The following CP variants were observed in gnomAD, a reference collection of about 807,000 sequenced individuals.
The protein encoded by CP is caeruloplasmin.
Under a neutral mutation model 122.4 loss-of-function variants are expected in CP, and 64 were observed. The observed-to-expected ratio is 0.52, with a 90% CI of 0.43 to 0.64. CP has a LOEUF of 0.64. CP is among the 30% of genes least tolerant of loss of function. The probability of loss-of-function intolerance (pLI) is 0.00; values close to 1 mark genes in which losing one functional copy is unlikely to be tolerated. For synonymous variants in CP, 440 were observed against 436.4 expected (o/e 1.01, Z -0.10); for missense variants, 1,167 against 1,284.4 (o/e 0.91, Z 1.40).
At chr3:149,165,905 A>C in intron 5 of CP, 1 of 424,388 alleles carries the variant, frequency 2.4e-6, no homozygotes, top group Non-Finnish European at 4.7e-6. Flanking sequence ...AATTATTCAC[A>C]TGAATAATTT....
At chr3:149,167,161 A>G in intron 4 of CP, 1 of 1,614,050 alleles carries the variant, frequency 6.2e-7, no homozygotes, top group African/African-American at 1.3e-5. Flanking sequence ...GAGTATGAAC[A>G]GTGCATAGAC....
In CP at chr3:149,221,823, A is replaced by C; in HGVS notation, c.-31T>G. On this transcript the variant is annotated 5_prime_UTR_variant, in exon 1 of 19. Transcript: ENST00000264613. ...TCCCCTTCTTGGAGCCTGAGAAGAAATGAAGTAAAATCAGGAGCAGGCAAT... is the reference window on the plus strand; with the variant it reads ...TCCCCTTCTTGGAGCCTGAGAAGAACTGAAGTAAAATCAGGAGCAGGCAAT... The C allele has an allele frequency of 6.2e-7, 1 of 1,611,594 alleles. No homozygotes were observed.
chr3:149,181,224 C>T (rs919644481), intron 14 of CP, among the ~76,000 whole-genome samples: 1 of 152,184 alleles, frequency 6.6e-6, no homozygotes, highest in African/African-American at 2.4e-5. Context: ...AGCATTCTGT[C>T]CCTTGTGTGC....
At chr3:149,182,251 G>T in intron 13 of CP, 118 bp from the exon 14 acceptor site, 1 of 1,101,208 alleles carries the variant, frequency 9.1e-7, no homozygotes, top group Non-Finnish European at 1.4e-6. Flanking sequence ...AATACTCTTG[G>T]ATTTATACTG....
chr3:149,210,916 A>G (rs1728060437), intron 2 of CP, among the ~76,000 whole-genome samples: 1 of 152,212 alleles, frequency 6.6e-6, no homozygotes, highest in Non-Finnish European at 1.5e-5. Flanking sequence ...TCATCAAATT[A>G]TTTTAAAGCA....
downstream of CP, chr3:149,167,789 A>T (rs754939789): frequency 1.2e-5 from 9 of 752,264 alleles, no homozygotes; most frequent in South Asian, 2.9e-5. Context: ...AGACAAAATG[A>T]TGTATTTTTG....
At chr3:149,198,614 C>CTTTCTAACGTGGTCA in intron 8 of CP, 36 bp from the exon 9 acceptor site, 1 of 1,588,222 alleles carries the variant, frequency 6.3e-7, no homozygotes, top group Non-Finnish European at 8.6e-7. Flanking sequence ...GTGAAGTGTG[C>CTTTCTAACGTGGTCA]TTTCTAACGT....
chr3:149,163,884 C>A, intron 5 of CP: 1 of 1,585,402 alleles, frequency 6.3e-7, no homozygotes, highest in Non-Finnish European at 8.7e-7. Flanking sequence ...TCCATGGGTT[C>A]ACGTCGTAAT....
chr3:149,167,109 G>A (rs1724500780), intron 4 of CP: 1 of 1,613,868 alleles, frequency 6.2e-7, no homozygotes, highest in African/African-American at 1.3e-5. Flanking sequence ...AGACACTATT[G>A]CCGGCCTCAG....
intron 4 of CP, among the ~76,000 whole-genome samples, chr3:149,208,896 G>C (rs927432068): frequency 6.6e-6 from 1 of 152,028 alleles, no homozygotes; most frequent in African/African-American, 2.4e-5. Context: ...TAATAATTTG[G>C]AGCTGCCTCA....
At chr3:149,214,374 A>G (rs552719270) in intron 1 of CP, among the ~76,000 whole-genome samples, 2 of 152,274 alleles carry the variant, frequency 1.3e-5, no homozygotes, top group Admixed American at 6.5e-5. Flanking sequence ...AGGAATTTCT[A>G]TGATGAGCGT....
At chr3:149,166,821 T>C (rs1724470825) in intron 4 of CP, among the ~76,000 whole-genome samples, 1 of 152,196 alleles carries the variant, frequency 6.6e-6, no homozygotes, top group African/African-American at 2.4e-5. Context: ...AATGATTGCT[T>C]TCTATTAAAG....
intron 14 of CP, 25 bp downstream of exon 14, chr3:149,181,980 C>CGG: frequency 1.9e-6 from 1 of 515,888 alleles, no homozygotes; most frequent in Non-Finnish European, 3.7e-6. Context: ...AAATGCACCA[C>CGG]CCCCACCCCC....
rs2108244342 is a variant in CP at position 149,188,210 on chromosome 3, TCAAAA to T, written c.1714-13_1714-9del. ...TTCCTTGTCTACATCTTTCTGTAAA[TCAAAA>T]CAAAATGAGATGGAGACAGAATGAA... On this transcript the variant is annotated splice_polypyrimidine_tract_variant and intron_variant, in intron 9 of 18. Transcript: ENST00000264613. The T allele has an allele frequency of 6.2e-7, 1 of 1,608,426 alleles. No individual in the cohort carries two copies.
chr3:149,203,196 T>C (rs34556731), intron 6 of CP, among the ~76,000 whole-genome samples: 14,066 of 152,210 alleles, frequency 0.092, 710 homozygotes, highest in Middle Eastern at 0.11. Flanking sequence ...CGTAAGCCAC[T>C]GCGCCCGGCC....
intron 14 of CP, 181 bp from the exon 15 acceptor site, chr3:149,179,843 T>G: frequency 1.7e-6 from 1 of 573,930 alleles, no homozygotes; most frequent in Non-Finnish European, 3.1e-6. Context: ...AATTTAGTTT[T>G]AAGATGAACT....
At chr3:149,209,456 T>A in intron 3 of CP, 72 bp from the exon 4 acceptor site, 1 of 1,441,288 alleles carries the variant, frequency 6.9e-7, no homozygotes, top group Non-Finnish European at 9.5e-7. Context: ...TTCAGGTGAT[T>A]TATAGTTTTT....
At chr3:149,186,977 C>A (rs1726221102) in intron 10 of CP, among the ~76,000 whole-genome samples, 1 of 152,184 alleles carries the variant, frequency 6.6e-6, no homozygotes, top group African/African-American at 2.4e-5. Flanking sequence ...TCCCTAGCAA[C>A]CTGGGAATCC....
downstream of CP, chr3:149,168,296 G>A (rs1259639532): frequency 3.2e-6 from 1 of 308,008 alleles, no homozygotes; most frequent in Non-Finnish European, 6.2e-6. Context: ...TTTTATCAAT[G>A]ATCAGAGTAC....
Sources: gnomAD v4.1 joint callset for allele counts (sites outside exome capture counted in the v4.1 genomes callset) on GRCh38, gnomAD v4.1.1 for gene constraint, MANE v1.5 for transcripts, NCBI Gene and HGNC (gene_info 2026-07-23, HGNC 2026-07-21) for gene names.